Variants in ATP2B2 observed in about 807,000 individuals in gnomAD.
ATP2B2 encodes the protein ATPase plasma membrane Ca2+ transporting 2.
A neutral mutation model predicts 120.0 loss-of-function variants in ATP2B2; 15 were observed. The observed-to-expected ratio is 0.12, with a 90% CI of 0.08 to 0.19. The LOEUF (loss-of-function observed/expected upper bound fraction) is 0.19. ATP2B2 is among the 10% of genes least tolerant of loss of function. The pLI, the probability that ATP2B2 is intolerant of heterozygous loss-of-function variation, is 1.00. For missense variants in ATP2B2, 1,045 were observed against 1,719.8 expected, an observed-to-expected ratio of 0.61 and a Z score of 6.94; for synonymous variants, 694 against 700.3, an observed-to-expected ratio of 0.99 and a Z score of 0.14.
rs1575151077 is a variant in ATP2B2, at chr3:10,410,869, G to A, written c.200-54C>T. 2.5e-6 allele frequency: 4 copies of A among 1,582,256 alleles called. No homozygotes were observed. The East Asian group carries it at 8.9e-5, about 35-fold the overall frequency. Reference sequence around the variant, plus strand: ...GGGGGCCTGGGAGAGATGCAGGCATGTTCTGGGAATCTAGGGGCAGAAAAG... The same window carrying A: ...GGGGGCCTGGGAGAGATGCAGGCATATTCTGGGAATCTAGGGGCAGAAAAG... On this transcript the variant is annotated intron_variant, in intron 2 of 22. Transcript: ENST00000360273.
intron 1 of ATP2B2, among the ~76,000 whole-genome samples, chr3:10,621,454 G>A (rs2069545850): frequency 6.6e-6 from 1 of 152,234 alleles, no homozygotes; most frequent in African/African-American, 2.4e-5. Flanking sequence ...CCTGGAGCTA[G>A]AAGTGATCGT....
In ATP2B2 at chr3:10,402,188, G is replaced by T. The variant is rs139130148; in HGVS notation, c.558C>A (p.Ile186=). Residue 186 remains isoleucine (I), a synonymous_variant, in exon 4 of 23, where the codon ATC becomes ATA. Transcript: ENST00000360273. The surrounding 1 kb of genome is among the most constrained non-coding windows in gnomAD (Gnocchi z 4.9). ...CCACGGTAAATTTCTGTTCCTGCTC[G>T]ATGCGGCTCTGCAGGCCCCGGAACT... ...EKQFRGLQSR[I]EQEQKFTVVR... 1.2e-6 allele frequency: 2 copies of T among 1,614,196 alleles called. No individual in the cohort carries two copies. The highest frequency in any genetic ancestry group is 3.3e-5 in the Admixed American group (2 of 60,030).
intron 3 of ATP2B2, among the ~76,000 whole-genome samples, chr3:10,518,353 G>C (rs924701241): frequency 3.9e-5 from 6 of 152,140 alleles, no homozygotes; most frequent in Admixed American, 3.9e-4. Context: ...ATGCGGACTC[G>C]CGTCTGCCTT....
intron 5 of ATP2B2, among the ~76,000 whole-genome samples, chr3:10,400,514 G>C (rs544722505): frequency 4.6e-5 from 7 of 152,268 alleles, no homozygotes; most frequent in Admixed American, 4.6e-4. Flanking sequence ...TCCTCACTCC[G>C]CCACAAGCTC....
chr3:10,592,278 T>C (rs549330048), intron 2 of ATP2B2, among the ~76,000 whole-genome samples: 1 of 152,242 alleles, frequency 6.6e-6, no homozygotes, highest in African/African-American at 2.4e-5. Flanking sequence ...AGAAGGGAAG[T>C]GGATGGCAGA....
At chr3:10,385,466 C>T in intron 7 of ATP2B2, 139 bp from the exon 8 acceptor site, 1 of 744,664 alleles carries the variant, frequency 1.3e-6, no homozygotes, top group East Asian at 2.7e-5. Flanking sequence ...AACCAAGAAA[C>T]TCAAATTTGG....
At chr3:10,489,408 G>A (rs6442175) in intron 1 of ATP2B2, among the ~76,000 whole-genome samples, 9,387 of 152,190 alleles carry the variant, frequency 0.062, 978 homozygotes, top group African/African-American at 0.21. Flanking sequence ...AAAGCTCCCC[G>A]CCCCTTTAGG....
At chr3:10,492,793 G>A (rs116189244) in intron 1 of ATP2B2, among the ~76,000 whole-genome samples, 44 of 152,164 alleles carry the variant, frequency 2.9e-4, no homozygotes, top group Non-Finnish European at 2.1e-4. Context: ...TGCAGATACC[G>A]GGTCAAGTGT....
chr3:10,490,159 C>T (rs1305184121), intron 1 of ATP2B2, among the ~76,000 whole-genome samples: 1 of 152,226 alleles, frequency 6.6e-6, no homozygotes, highest in African/African-American at 2.4e-5. Flanking sequence ...CTTCCTCCAG[C>T]CTGGCTGTTA....
In ATP2B2 at chr3:10,615,948, C is replaced by T. The variant is rs779867350; in HGVS notation, c.-415+3969G>A. On this transcript the variant is annotated intron_variant, in intron 2 of 21. Transcript: ENST00000646379. ...TGGTTGTACTGTTGCTTCTGGGTCTCGCTGGGAAGGTAAGGTGGTAACCAA... is the reference window on the plus strand; with the variant it reads ...TGGTTGTACTGTTGCTTCTGGGTCTTGCTGGGAAGGTAAGGTGGTAACCAA... Among the ~76,000 whole-genome samples, 10 of 152,098 alleles carry T rather than the reference C, an allele frequency of 6.6e-5. 1 individual carries two copies. Among genetic ancestry groups the T allele is most frequent in the Non-Finnish European group, 1.2e-4 (8 of 68,020 alleles).
intron 22 of ATP2B2, among the ~76,000 whole-genome samples, chr3:10,336,931 G>A (rs989101852): frequency 2.6e-5 from 4 of 152,202 alleles, no homozygotes; most frequent in African/African-American, 7.2e-5. Context: ...TGGCTTTGCC[G>A]CCAGGGCAGT....
intron 1 of ATP2B2, among the ~76,000 whole-genome samples, chr3:10,705,359 C>T (rs938520855): frequency 1.3e-5 from 2 of 152,208 alleles, no homozygotes; most frequent in South Asian, 2.1e-4. Flanking sequence ...TATACCCCTA[C>T]ACCTCCAAGC....
chr3:10,572,328 C>A (rs958372368), intron 2 of ATP2B2, among the ~76,000 whole-genome samples: 1 of 152,158 alleles, frequency 6.6e-6, no homozygotes, highest in African/African-American at 2.4e-5. Flanking sequence ...ACAGACCCTA[C>A]CTCCTAGAGT....
chr3:10,412,442 G>A (rs1001594145), intron 2 of ATP2B2, among the ~76,000 whole-genome samples: 15 of 152,024 alleles, frequency 9.9e-5, no homozygotes, highest in South Asian at 8.3e-4. Context: ...GCCCCATGTC[G>A]CCCCAAGTAG....
chr3:10,428,751 C>A (rs2063218646), intron 2 of ATP2B2, among the ~76,000 whole-genome samples: 1 of 152,192 alleles, frequency 6.6e-6, no homozygotes, highest in African/African-American at 2.4e-5. Flanking sequence ...GGAGACTGTG[C>A]TGGGGTTCCA....
intron 12 of ATP2B2, among the ~76,000 whole-genome samples, chr3:10,364,103 T>A (rs2060975417): frequency 6.6e-6 from 1 of 152,174 alleles, no homozygotes; most frequent in Non-Finnish European, 1.5e-5. Context: ...CTTGAGGACA[T>A]TATGCTAAGT....
intron 2 of ATP2B2, among the ~76,000 whole-genome samples, chr3:10,557,847 G>A (rs980135784): frequency 6.6e-6 from 1 of 152,174 alleles, no homozygotes; most frequent in South Asian, 2.1e-4. Context: ...AGGAAGGTGA[G>A]TCATCATGGT....
intron 14 of ATP2B2, among the ~76,000 whole-genome samples, chr3:10,357,377 T>C (rs1256593112): frequency 6.6e-6 from 1 of 152,186 alleles, no homozygotes; most frequent in Non-Finnish European, 1.5e-5. Flanking sequence ...ATCTGTCTGA[T>C]GTCTGAGCTC....
Position 10,402,690 on chromosome 3 carries a change from T to A in ATP2B2, c.398-342A>T, listed in dbSNP as rs530777820. 1.3e-5 allele frequency among the ~76,000 whole-genome samples: 2 copies of A among 152,320 alleles called. No individual in the cohort carries two copies. The highest frequency in any genetic ancestry group is 2.1e-4 in the South Asian group (1 of 4,824). On this transcript the variant is annotated intron_variant, in intron 3 of 22. Transcript: ENST00000360273. This position sits in a 1 kb window ranked among gnomAD's most constrained non-coding sequence, Gnocchi z 4.9. ...ATCTTAGCCCCTTCAGTTTTCTGCC[T>A]TGGTTCTAGCTGTGAGATCTTGGGC...
Sources: gnomAD v4.1 joint callset for allele counts (sites outside exome capture counted in the v4.1 genomes callset) on GRCh38, gnomAD v4.1.1 for gene constraint, Gnocchi (gnomAD v3.1) non-coding constraint, MANE v1.5 for transcripts, NCBI Gene and HGNC (gene_info 2026-07-23, HGNC 2026-07-21) for gene names.